PTPRT: variants seen among roughly 807,000 people sequenced by gnomAD.
PTPRT encodes protein tyrosine phosphatase receptor type T, also known as receptor-type tyrosine-protein phosphatase T.
In PTPRT, 56 loss-of-function variants were observed where a neutral mutation model predicts 176.8. That is an observed-to-expected ratio of 0.32 (90% CI 0.26 to 0.40). The LOEUF (loss-of-function observed/expected upper bound fraction) is 0.40, where lower values mean the gene tolerates loss of function less well. Ranked by LOEUF, PTPRT falls within the 10% of genes least tolerant of loss-of-function variation. PTPRT has a pLI of 1.00. For synonymous variants in PTPRT, 783 were observed against 739.0 expected (o/e 1.06, Z -0.96); for missense variants, 1,540 against 1,908.2 (o/e 0.81, Z 3.60).
At chr20:42,111,517 T>G (rs547838641) in intron 22 of PTPRT, among the ~76,000 whole-genome samples, 1 of 152,218 alleles carries the variant, frequency 6.6e-6, no homozygotes, top group African/African-American at 2.4e-5. Context: ...AGAAGAGAAA[T>G]CCCAGAAGGC....
At chr20:42,567,308 A>G (rs1303777182) in intron 7 of PTPRT, among the ~76,000 whole-genome samples, 1 of 142,404 alleles carries the variant, frequency 7.0e-6, no homozygotes, top group Non-Finnish European at 1.5e-5. Flanking sequence ...AGAGAGAGAG[A>G]GAAAAAAAAC....
At chr20:42,088,330 A>G (rs1250999338) in intron 27 of PTPRT, among the ~76,000 whole-genome samples, 1 of 152,192 alleles carries the variant, frequency 6.6e-6, no homozygotes, top group Non-Finnish European at 1.5e-5. Context: ...AGATGGACAG[A>G]AGTGACCCAC....
At chr20:42,206,377 CA>C (rs1432599083) in intron 15 of PTPRT, among the ~76,000 whole-genome samples, 1 of 152,192 alleles carries the variant, frequency 6.6e-6, no homozygotes, top group Admixed American at 6.5e-5. Context: ...GTACCGGGTT[CA>C]TCTCACTAGG....
intron 1 of PTPRT, among the ~76,000 whole-genome samples, chr20:42,982,560 A>G (rs1221628994): frequency 6.6e-6 from 1 of 152,232 alleles, no homozygotes; most frequent in East Asian, 1.9e-4. Flanking sequence ...GCCAAAGAGA[A>G]CTATGTGAAG....
intron 2 of PTPRT, among the ~76,000 whole-genome samples, chr20:42,857,345 G>A (rs1038738232): frequency 6.6e-6 from 1 of 152,138 alleles, no homozygotes; most frequent in Non-Finnish European, 1.5e-5. Context: ...ACTGTAATGA[G>A]TAAGTCCTAG....
the PTPRT span, among the ~76,000 whole-genome samples, chr20:42,053,755 C>T: frequency 6.6e-6 from 1 of 152,294 alleles, no homozygotes; most frequent in East Asian, 1.9e-4. Context: ...CTTATTCATT[C>T]ACTTAATTTT....
intron 7 of PTPRT, among the ~76,000 whole-genome samples, chr20:42,602,926 AG>A (rs574832100): frequency 2.1e-4 from 32 of 152,310 alleles, no homozygotes; most frequent in Admixed American, 2.1e-3. Flanking sequence ...CAAACACTTA[AG>A]ACTTAAGAGT....
chr20:42,561,969 G>GT (rs1055306914), intron 7 of PTPRT, among the ~76,000 whole-genome samples: 5 of 152,160 alleles, frequency 3.3e-5, no homozygotes, highest in Non-Finnish European at 7.3e-5. Context: ...GGAAATCACA[G>GT]TTTTATTCTC....
At chr20:43,179,987 G>A (rs1338830014) in intron 1 of PTPRT, among the ~76,000 whole-genome samples, 2 of 152,194 alleles carry the variant, frequency 1.3e-5, no homozygotes, top group Non-Finnish European at 2.9e-5. Context: ...GTGTGTGTGA[G>A]GGTGTTTCTG....
At position 43,103,846 on chromosome 20, in the gene PTPRT, C is replaced by T. The variant is rs1442278339; in HGVS notation, c.88+85800G>A. On this transcript the variant is annotated intron_variant, in intron 1 of 30. Coordinates refer to ENST00000373187, the MANE Select transcript of PTPRT (RefSeq NM_007050.6). ...AAAAACACTGATATAATGTGAAAAT[C>T]CTGTTCTGGATTCATTTTCAACTCC... Among the ~76,000 whole-genome samples, 3 of 151,650 alleles carry T rather than the reference C, an allele frequency of 2.0e-5. No individual in the cohort carries two copies. The East Asian group carries it at 5.8e-4, about 29-fold the overall frequency.
chr20:42,673,018 G>A (rs1168236832), intron 7 of PTPRT, among the ~76,000 whole-genome samples: 2 of 152,206 alleles, frequency 1.3e-5, no homozygotes, highest in Non-Finnish European at 2.9e-5. Flanking sequence ...AAACTTTTGT[G>A]TAGTAGTTAT....
At chr20:43,153,465 A>T (rs2014425649) in intron 1 of PTPRT, among the ~76,000 whole-genome samples, 1 of 152,234 alleles carries the variant, frequency 6.6e-6, no homozygotes, top group Admixed American at 6.5e-5. Context: ...CAAATAAAAA[A>T]GTACTAAAAT....
intron 9 of PTPRT, among the ~76,000 whole-genome samples, chr20:42,363,105 G>GAAAAA (rs71193658): frequency 2.1e-5 from 1 of 47,194 alleles, no homozygotes; most frequent in African/African-American, 8.9e-5. Context: ...CTCCATTTCA[G>GAAAAA]AAAAAAAAAA....
intron 5 of PTPRT, among the ~76,000 whole-genome samples, chr20:42,770,763 C>A (rs533006181): frequency 1.8e-4 from 28 of 152,286 alleles, no homozygotes; most frequent in African/African-American, 6.7e-4. Context: ...ATTCCATTTG[C>A]CTCAGCCCTA....
chr20:42,858,767 A>G (rs2078609538), intron 2 of PTPRT, among the ~76,000 whole-genome samples: 2 of 152,204 alleles, frequency 1.3e-5, no homozygotes, highest in Non-Finnish European at 2.9e-5. Context: ...ACAGATGTCA[A>G]GGGGTTGGGG....
chr20:42,771,626 T>C, intron 4 of PTPRT, 76 bp from the exon 5 acceptor site: 1 of 1,217,398 alleles, frequency 8.2e-7, no homozygotes, highest in Non-Finnish European at 1.2e-6. Context: ...GGATGGCAGC[T>C]CAGGATGGGC....
chr20:42,621,587 C>T (rs2074197769), intron 7 of PTPRT, among the ~76,000 whole-genome samples: 1 of 152,178 alleles, frequency 6.6e-6, no homozygotes, highest in South Asian at 2.1e-4. Flanking sequence ...ATATGGAATT[C>T]CTTGGCTTCT....
At chr20:43,011,810 A>G (rs1238210200) in intron 1 of PTPRT, among the ~76,000 whole-genome samples, 1 of 152,238 alleles carries the variant, frequency 6.6e-6, no homozygotes, top group East Asian at 1.9e-4. Context: ...CCTACCCTCA[A>G]TCCGGGTGGG....
At chr20:42,482,788 T>C (rs947100606) in intron 7 of PTPRT, among the ~76,000 whole-genome samples, 4 of 152,212 alleles carry the variant, frequency 2.6e-5, no homozygotes, top group Admixed American at 6.5e-5. Flanking sequence ...AAGTTTTTAC[T>C]TTTTTTCCCA....
Sources: gnomAD v4.1 joint callset for allele counts (sites outside exome capture counted in the v4.1 genomes callset) on GRCh38, gnomAD v4.1.1 for gene constraint, MANE v1.5 for transcripts, NCBI Gene and HGNC (gene_info 2026-07-23, HGNC 2026-07-21) for gene names.